Variants in PAX6 observed in about 807,000 individuals in gnomAD.
PAX6 encodes the protein paired box protein Pax-6.
PAX6 carries 7 observed loss-of-function variants against 60.7 expected under a neutral mutation model. The ratio of observed to expected loss-of-function variants is 0.12; its 90% CI spans 0.07 to 0.22. The LOEUF (loss-of-function observed/expected upper bound fraction) is 0.22, where lower values mean the gene tolerates loss of function less well. Ranked by LOEUF, PAX6 falls within the 10% of genes least tolerant of loss-of-function variation. The pLI is 1.00. For synonymous variants in PAX6, 208 were observed against 201.2 expected (o/e 1.03, Z -0.29); for missense variants, 355 against 555.2 (o/e 0.64, Z 3.62).
chr11:31,802,328 G>C, intron 5 of PAX6: 1 of 319,774 alleles, frequency 3.1e-6, no homozygotes. Context: ...GCTGAGGTAA[G>C]CATGGGCTGG....
chr11:31,808,128 G>A (rs541557506), intron 2 of PAX6: 20 of 152,190 alleles, frequency 1.3e-4, no homozygotes, highest in African/African-American at 4.8e-4. Context: ...AACAGTCACA[G>A]CATCATTTCT....
chr11:31,808,293 T>C (rs1157595112), intron 2 of PAX6: 1 of 152,206 alleles, frequency 6.6e-6, no homozygotes, highest in Non-Finnish European at 1.5e-5. Context: ...CTTAAATCCA[T>C]AAAAATAAAC....
chr11:31,794,825 G>T, intron 8 of PAX6, 37 bp from the exon 9 acceptor site: 1 of 1,608,732 alleles, frequency 6.2e-7, no homozygotes, highest in Non-Finnish European at 8.5e-7. Flanking sequence ...GAGAAATTTG[G>T]ATTAACTTGG....
chr11:31,817,126 C>T (rs1292323326), intron 1 of PAX6, among the ~76,000 whole-genome samples: 1 of 152,284 alleles, frequency 6.6e-6, no homozygotes, highest in Admixed American at 6.5e-5. Flanking sequence ...GCCAGCGCAG[C>T]GCCCGCAGTA....
intron 4 of PAX6, chr11:31,804,805 A>G (rs1955267849): frequency 6.6e-6 from 1 of 152,248 alleles, no homozygotes. Flanking sequence ...AAGGCCGCCT[A>G]AATCTAGACC....
upstream of PAX6, among the ~76,000 whole-genome samples, chr11:31,815,951 T>C (rs1472403982): frequency 6.6e-6 from 1 of 152,042 alleles, no homozygotes. Context: ...GGGGAGAATT[T>C]AAGAATTCTC....
intron 4 of PAX6, chr11:31,803,201 C>T (rs991964708): frequency 1.2e-5 from 4 of 336,680 alleles, no homozygotes; most frequent in Non-Finnish European, 2.3e-5. Flanking sequence ...TCACTACAGC[C>T]ATAACCCCAG....
chr11:31,810,528 G>A (rs2135403192), intron 2 of PAX6: 1 of 224,334 alleles, frequency 4.5e-6, no homozygotes, highest in East Asian at 9.0e-5. Context: ...GTCGCGCCTG[G>A]AGTCTCCCTT....
At chr11:31,808,245 G>A (rs553926133) in intron 2 of PAX6, 1 of 152,272 alleles carries the variant, frequency 6.6e-6, no homozygotes, top group South Asian at 2.1e-4. Flanking sequence ...ACTCTACAAG[G>A]CCATTCCTGG....
chr11:31,801,474 G>A (rs1953816400), intron 7 of PAX6, 87 bp downstream of exon 7: 5 of 1,605,042 alleles, frequency 3.1e-6, no homozygotes, highest in Non-Finnish European at 4.3e-6. Flanking sequence ...CAGACTAAGA[G>A]ACAGTGGAGA....
At chr11:31,806,369 G>T (rs769489624) in intron 4 of PAX6, 33 bp downstream of exon 4, 1 of 1,601,698 alleles carries the variant, frequency 6.2e-7, no homozygotes, top group East Asian at 2.3e-5. Flanking sequence ...CGCACCCCGA[G>T]CCCGAAGTCC....
At chr11:31,816,404 C>A in intron 1 of PAX6, 1 of 618,682 alleles carries the variant, frequency 1.6e-6, no homozygotes, top group South Asian at 1.9e-5. Flanking sequence ...CTCGGCTCGC[C>A]CTGGGCGCGG....
upstream of PAX6, among the ~76,000 whole-genome samples, chr11:31,815,969 G>A (rs952995775): frequency 3.3e-5 from 5 of 152,138 alleles, no homozygotes; most frequent in African/African-American, 9.7e-5. Context: ...CTCAGCCCGC[G>A]CGGCCCGATG....
At chr11:31,811,479 G>A (rs1411690143), upstream of PAX6, 8 of 339,762 alleles carry the variant, frequency 2.4e-5, no homozygotes, top group Non-Finnish European at 4.3e-5. Flanking sequence ...GGTGGGTCCC[G>A]GCTCCTCTCC....
chr11:31,816,260 G>A, upstream of PAX6: 1 of 301,246 alleles, frequency 3.3e-6, no homozygotes, highest in Non-Finnish European at 6.0e-6. Flanking sequence ...ATAAACTCCG[G>A]GCCCTGGGGA....
At chr11:31,812,635 GCCTGGTC>G (rs1957163718), upstream of PAX6, 1 of 152,850 alleles carries the variant, frequency 6.5e-6, no homozygotes, top group African/African-American at 2.4e-5. Flanking sequence ...GCGAGCGGCT[GCCTGGTC>G]CTGCGCTGTC....
chr11:31,806,645 C>A (rs141531292), intron 3 of PAX6, 183 bp from the exon 4 acceptor site: 23 of 574,544 alleles, frequency 4.0e-5, no homozygotes, highest in South Asian at 3.2e-4. Flanking sequence ...CAAAATCTAC[C>A]CTTTGGGGCT....
chr11:31,814,990 G>GTCTCCCTCTCTCTCTCTC (rs1957306273), upstream of PAX6: 2 of 130,368 alleles, frequency 1.5e-5, no homozygotes, highest in Non-Finnish European at 3.1e-5. Context: ...AGGCCAGCCT[G>GTCTCCCTCTCTCTCTCTC]TCTCTCTCTC....
intron 4 of PAX6, 73 bp downstream of exon 4, chr11:31,806,329 C>A: frequency 6.5e-7 from 1 of 1,548,716 alleles, no homozygotes; most frequent in African/African-American, 1.4e-5. Context: ...CGTCGCGAGT[C>A]CCTGTGTCCT....
Sources: gnomAD v4.1 joint callset for allele counts (sites outside exome capture counted in the v4.1 genomes callset) on GRCh38, gnomAD v4.1.1 for gene constraint, MANE v1.5 for transcripts, NCBI Gene and HGNC (gene_info 2026-07-23, HGNC 2026-07-21) for gene names.